Variants in ATG5 observed in about 807,000 individuals in gnomAD.
ATG5 encodes the protein autophagy protein 5.
Under a neutral mutation model 36.5 loss-of-function variants are expected in ATG5, and 14 were observed. The ratio of observed to expected loss-of-function variants is 0.38; its 90% CI spans 0.25 to 0.60. The LOEUF (loss-of-function observed/expected upper bound fraction) is 0.60, where lower values mean the gene tolerates loss of function less well. Among genes scored for constraint, ATG5 ranks in the 20% least tolerant of loss-of-function variants. ATG5 has a pLI of 0.60. For missense variants in ATG5, 195 were observed against 326.7 expected (o/e 0.60, Z 3.11); for synonymous variants, 95 against 101.5 (o/e 0.94, Z 0.38).
intron 6 of ATG5, among the ~76,000 whole-genome samples, chr6:106,209,056 T>C (rs752884418): frequency 2.6e-5 from 4 of 152,200 alleles, no homozygotes; most frequent in South Asian, 2.1e-4. Context: ...TGTGGAAAAA[T>C]AGTCCTTCAC....
chr6:106,223,198 C>T (rs370573200), intron 6 of ATG5, among the ~76,000 whole-genome samples: 73 of 152,290 alleles, frequency 4.8e-4, no homozygotes, highest in Middle Eastern at 3.4e-3. Flanking sequence ...CTTTTGCTCT[C>T]ATCTTATGTT....
chr6:106,316,017 A>G, intron 2 of ATG5, 84 bp downstream of exon 2: 1 of 1,092,788 alleles, frequency 9.2e-7, no homozygotes, highest in Non-Finnish European at 1.4e-6. Context: ...AAAACGTTAC[A>G]TAATGGCCTC....
intron 5 of ATG5, among the ~76,000 whole-genome samples, chr6:106,259,834 T>C (rs1054303714): frequency 6.6e-6 from 1 of 152,184 alleles, no homozygotes; most frequent in African/African-American, 2.4e-5. Context: ...AAAAGCACTA[T>C]TCACGGTAGC....
intron 6 of ATG5, among the ~76,000 whole-genome samples, chr6:106,215,344 T>G (rs1180970103): frequency 6.6e-6 from 1 of 152,180 alleles, no homozygotes; most frequent in Non-Finnish European, 1.5e-5. Flanking sequence ...CTTCAAACAG[T>G]CTCACCTACC....
chr6:106,322,138 T>C (rs993125808), intron 1 of ATG5, among the ~76,000 whole-genome samples: 6 of 152,148 alleles, frequency 3.9e-5, no homozygotes, highest in African/African-American at 1.4e-4. Flanking sequence ...TAGAAGTAAG[T>C]TTCTTGAGGG....
chr6:106,313,985 C>T (rs1770749315), intron 2 of ATG5, among the ~76,000 whole-genome samples: 1 of 152,184 alleles, frequency 6.6e-6, no homozygotes, highest in African/African-American at 2.4e-5. Flanking sequence ...TCTTCAAAAA[C>T]ACAAATCATG....
At chr6:106,194,302 G>A (rs1418495758) in intron 7 of ATG5, among the ~76,000 whole-genome samples, 2 of 152,022 alleles carry the variant, frequency 1.3e-5, no homozygotes, top group Non-Finnish European at 2.9e-5. Context: ...ACTGACAAAT[G>A]TGATTATTGC....
chr6:106,227,493 G>A (rs999022613), intron 6 of ATG5, among the ~76,000 whole-genome samples: 3 of 152,174 alleles, frequency 2.0e-5, no homozygotes, highest in Admixed American at 6.5e-5. Context: ...CTACTCAGGC[G>A]GCTAAGGTGG....
intron 6 of ATG5, among the ~76,000 whole-genome samples, chr6:106,235,237 C>T (rs926744290): frequency 3.3e-5 from 5 of 152,138 alleles, no homozygotes; most frequent in Non-Finnish European, 7.3e-5. Context: ...CTTCCAGAAT[C>T]AAAGTTGTAA....
At chr6:106,269,145 G>A (rs1779342310) in intron 5 of ATG5, among the ~76,000 whole-genome samples, 2 of 152,086 alleles carry the variant, frequency 1.3e-5, no homozygotes, top group Admixed American at 1.3e-4. Context: ...GATACAAAGT[G>A]TCGACACAAA....
chr6:106,302,827 A>G (rs1770273068), intron 3 of ATG5, among the ~76,000 whole-genome samples: 1 of 152,074 alleles, frequency 6.6e-6, no homozygotes, highest in Admixed American at 6.5e-5. Flanking sequence ...AAAATTTTAA[A>G]AATACACAGA....
At chr6:106,243,533 A>G (rs993896372) in intron 6 of ATG5, among the ~76,000 whole-genome samples, 3 of 151,068 alleles carry the variant, frequency 2.0e-5, no homozygotes, top group African/African-American at 7.3e-5. Context: ...CTCTGGGGAA[A>G]AAAAAAAAAA....
intron 5 of ATG5, among the ~76,000 whole-genome samples, chr6:106,254,072 T>C (rs1198051783): frequency 1.3e-5 from 2 of 152,188 alleles, no homozygotes; most frequent in African/African-American, 4.8e-5. Context: ...CTCTAAGTCA[T>C]GCTATTTTTC....
chr6:106,286,932 T>C (rs1394393639), intron 4 of ATG5, among the ~76,000 whole-genome samples: 1 of 152,210 alleles, frequency 6.6e-6, no homozygotes, highest in African/African-American at 2.4e-5. Context: ...AACACCCTGA[T>C]GGCACCCTCA....
intron 5 of ATG5, among the ~76,000 whole-genome samples, chr6:106,259,514 T>C (rs1489862288): frequency 6.6e-6 from 1 of 152,170 alleles, no homozygotes; most frequent in African/African-American, 2.4e-5. Flanking sequence ...CTGGTGAGAA[T>C]GAGCTGTATT....
At chr6:106,191,302 T>C (rs1775959128) in intron 7 of ATG5, among the ~76,000 whole-genome samples, 1 of 152,100 alleles carries the variant, frequency 6.6e-6, no homozygotes, top group Admixed American at 6.6e-5. Flanking sequence ...CAGGTAAAGA[T>C]ATGGCAGCTT....
chr6:106,260,147 T>C (rs1433151599), intron 5 of ATG5, among the ~76,000 whole-genome samples: 1 of 152,078 alleles, frequency 6.6e-6, no homozygotes, highest in Non-Finnish European at 1.5e-5. Flanking sequence ...TTAGGAGAAA[T>C]ATCCAATGTA....
intron 5 of ATG5, among the ~76,000 whole-genome samples, chr6:106,258,708 G>C (rs886151251): frequency 5.3e-5 from 8 of 152,258 alleles, no homozygotes; most frequent in Non-Finnish European, 1.0e-4. Flanking sequence ...AAATAAAACA[G>C]CTTGTTTGCT....
chr6:106,259,407 C>T (rs1261219946), intron 5 of ATG5, among the ~76,000 whole-genome samples: 2 of 152,200 alleles, frequency 1.3e-5, no homozygotes, highest in African/African-American at 2.4e-5. Context: ...AAATTATCCT[C>T]CCAGTGTTTC....
Sources: gnomAD v4.1 joint callset for allele counts (sites outside exome capture counted in the v4.1 genomes callset) on GRCh38, gnomAD v4.1.1 for gene constraint, MANE v1.5 for transcripts, NCBI Gene and HGNC (gene_info 2026-07-23, HGNC 2026-07-21) for gene names.